CNTN4: variants seen among roughly 807,000 people sequenced by gnomAD.
CNTN4 encodes contactin 4.
CNTN4 carries 77 observed loss-of-function variants against 122.5 expected under a neutral mutation model. The ratio of observed to expected loss-of-function variants is 0.63; its 90% CI spans 0.52 to 0.76. CNTN4 has a LOEUF of 0.76. CNTN4 is among the 30% of genes least tolerant of loss of function. The pLI, the probability that CNTN4 is intolerant of heterozygous loss-of-function variation, is 0.00. For synonymous variants in CNTN4, 512 were observed against 447.0 expected (o/e 1.15, Z -1.83); for missense variants, 1,256 against 1,259.1 (o/e 1.00, Z 0.04).
At chr3:2,452,515 A>G (rs1171360785) in intron 3 of CNTN4, among the ~76,000 whole-genome samples, 1 of 152,142 alleles carries the variant, frequency 6.6e-6, no homozygotes, top group African/African-American at 2.4e-5. Flanking sequence ...CCTCATCTAT[A>G]ATTACAGTGC....
chr3:2,411,526 C>T (rs1290624166), intron 3 of CNTN4, among the ~76,000 whole-genome samples: 2 of 152,018 alleles, frequency 1.3e-5, no homozygotes, highest in African/African-American at 4.8e-5. Flanking sequence ...TACATGATTG[C>T]CCTGTTTAGT....
At chr3:2,535,664 C>A (rs185633999) in intron 3 of CNTN4, among the ~76,000 whole-genome samples, 18 of 152,148 alleles carry the variant, frequency 1.2e-4, no homozygotes, top group Admixed American at 7.2e-4. Flanking sequence ...GCTAAGAGGA[C>A]CCCTGTTTCT....
At chr3:2,451,800 C>G (rs2048840472) in intron 3 of CNTN4, among the ~76,000 whole-genome samples, 1 of 151,994 alleles carries the variant, frequency 6.6e-6, no homozygotes, top group East Asian at 1.9e-4. Context: ...TCAGTAAATC[C>G]TTTAAATTAA....
chr3:2,811,430 T>C, intron 6 of CNTN4, among the ~76,000 whole-genome samples: 1 of 146,776 alleles, frequency 6.8e-6, no homozygotes, highest in Admixed American at 6.8e-5. Flanking sequence ...AAAGTTTTGG[T>C]CCTTTACTTT....
At chr3:2,388,911 A>T (rs2046344084) in intron 3 of CNTN4, among the ~76,000 whole-genome samples, 1 of 146,700 alleles carries the variant, frequency 6.8e-6, no homozygotes, top group Non-Finnish European at 1.6e-5. Context: ...TAATCCCAGC[A>T]CTTTGGGAGG....
intron 3 of CNTN4, among the ~76,000 whole-genome samples, chr3:2,463,557 C>G (rs955839566): frequency 6.6e-6 from 1 of 152,028 alleles, no homozygotes; most frequent in East Asian, 1.9e-4. Flanking sequence ...GTCAGGAGTT[C>G]GAGACCAGCC....
intron 2 of CNTN4, among the ~76,000 whole-genome samples, chr3:2,174,729 C>A (rs1319090174): frequency 1.3e-5 from 2 of 152,128 alleles, no homozygotes; most frequent in Non-Finnish European, 2.9e-5. Context: ...TTAATTGACT[C>A]ACAGTTCTGC....
chr3:3,036,846 A>G (rs1024822681), intron 17 of CNTN4, among the ~76,000 whole-genome samples: 1 of 152,208 alleles, frequency 6.6e-6, no homozygotes, highest in Non-Finnish European at 1.5e-5. Flanking sequence ...GGATAGTTGA[A>G]ATAGTGTGTC....
At chr3:2,649,527 C>G (rs763615149) in intron 4 of CNTN4, among the ~76,000 whole-genome samples, 1 of 152,200 alleles carries the variant, frequency 6.6e-6, no homozygotes, top group Non-Finnish European at 1.5e-5. Context: ...TGAATATTTT[C>G]TGCCCACTGT....
At chr3:2,445,410 C>T (rs747893433) in intron 3 of CNTN4, among the ~76,000 whole-genome samples, 2 of 152,092 alleles carry the variant, frequency 1.3e-5, no homozygotes, top group South Asian at 4.2e-4. Context: ...TGATAAATCT[C>T]GAAGATAGAG....
chr3:2,604,164 G>A (rs933580546), intron 4 of CNTN4, among the ~76,000 whole-genome samples: 3 of 152,142 alleles, frequency 2.0e-5, no homozygotes, highest in African/African-American at 7.2e-5. Context: ...TATATCCAGA[G>A]AGATATCACT....
intron 12 of CNTN4, 127 bp downstream of exon 12, chr3:2,903,132 T>C: frequency 2.2e-6 from 2 of 889,704 alleles, no homozygotes; most frequent in Non-Finnish European, 3.4e-6. Flanking sequence ...CCAAAGATGC[T>C]ACTCAAGAAA....
chr3:2,683,401 G>A (rs1479314964), intron 4 of CNTN4, among the ~76,000 whole-genome samples: 1 of 151,930 alleles, frequency 6.6e-6, no homozygotes, highest in Admixed American at 6.6e-5. Context: ...TGTTGATGAT[G>A]TGGTCTTCCT....
At chr3:2,607,253 A>G (rs2081295499) in intron 4 of CNTN4, among the ~76,000 whole-genome samples, 1 of 152,202 alleles carries the variant, frequency 6.6e-6, no homozygotes, top group Non-Finnish European at 1.5e-5. Context: ...GAAGTTGAAT[A>G]TGTGCTACCT....
chr3:2,563,889 A>G lies in CNTN4; in HGVS notation c.-88-7527A>G, dbSNP rs116558447. Among the ~76,000 whole-genome samples the G allele has an allele frequency of 5.8e-3, 884 of 152,236 alleles. 9 individuals carry two copies. The highest frequency in any genetic ancestry group is 0.02 in the African/African-American group (850 of 41,564). ...TTAGAAACCTGTTATTAAAGAGGAA[A>G]TAACAGTAACTCAGAAAAAACAAGT... On this transcript the variant is annotated intron_variant, in intron 3 of 24. Transcript: ENST00000418658.
Position 2,385,458 on chromosome 3 carries a change from T to A in CNTN4, c.-89+46225T>A, listed in dbSNP as rs1242687173. On this transcript the variant is annotated intron_variant, in intron 3 of 24. Coordinates refer to ENST00000418658, the MANE Select transcript of CNTN4 (RefSeq NM_175607.3). The surrounding 1 kb of genome is among the most constrained non-coding windows in gnomAD (Gnocchi z 4.0). ...TTCATAGCAGATGCTTGTATTAGTT[T>A]CTTAGGACTGCCACAGCAAAGTACC... 1.3e-5 allele frequency among the ~76,000 whole-genome samples: 2 copies of A among 152,098 alleles called. No homozygotes were observed. The highest frequency in any genetic ancestry group is 1.5e-5 in the Non-Finnish European group (1 of 68,022).
intron 3 of CNTN4, among the ~76,000 whole-genome samples, chr3:2,425,803 C>T (rs893132342): frequency 1.3e-5 from 2 of 152,074 alleles, no homozygotes; most frequent in African/African-American, 2.4e-5. Flanking sequence ...AGTTGGATTC[C>T]TAGGTATTTT....
At chr3:2,724,232 T>C (rs1234997989) in intron 4 of CNTN4, among the ~76,000 whole-genome samples, 1 of 152,148 alleles carries the variant, frequency 6.6e-6, no homozygotes, top group Admixed American at 6.5e-5. Context: ...AGTCAGTGGG[T>C]AATGTAGAAC....
intron 4 of CNTN4, among the ~76,000 whole-genome samples, chr3:2,625,625 T>G (rs1022411938): frequency 6.6e-6 from 1 of 152,236 alleles, no homozygotes; most frequent in African/African-American, 2.4e-5. Context: ...TTCACTCAGC[T>G]TAAGTTCCTG....
Sources: allele counts gnomAD v4.1 joint callset (sites outside exome capture counted in the v4.1 genomes callset), GRCh38; gene constraint gnomAD v4.1.1; non-coding constraint Gnocchi (gnomAD v3.1); transcripts MANE v1.5; gene names NCBI Gene and HGNC (gene_info 2026-07-23, HGNC 2026-07-21).